Variants in NTM observed in about 807,000 individuals in gnomAD.
NTM encodes neurotrimin, also known as IgLON family member 2.
NTM carries 13 observed loss-of-function variants against 42.1 expected under a neutral mutation model. That is an observed-to-expected ratio of 0.31 (90% CI 0.20 to 0.49). NTM has a LOEUF of 0.49. Ranked by LOEUF, NTM falls within the 20% of genes least tolerant of loss-of-function variation. The pLI is 0.99. For synonymous variants in NTM, 187 were observed against 179.2 expected (o/e 1.04, Z -0.35); for missense variants, 373 against 452.8 (o/e 0.82, Z 1.60).
chr11:131,618,514 C>T (rs1280090282), intron 1 of NTM, among the ~76,000 whole-genome samples: 1 of 152,132 alleles, frequency 6.6e-6, no homozygotes, highest in Non-Finnish European at 1.5e-5. Flanking sequence ...TTCAGTATTG[C>T]TTGGGGCTCC....
At chr11:131,637,952 G>A (rs1347393441) in intron 1 of NTM, among the ~76,000 whole-genome samples, 3 of 152,126 alleles carry the variant, frequency 2.0e-5, no homozygotes, top group Non-Finnish European at 2.9e-5. Context: ...TCTGTGGACT[G>A]ATGACTAACA....
chr11:132,215,966 A>G (rs1214499822), intron 4 of NTM, among the ~76,000 whole-genome samples: 1 of 152,238 alleles, frequency 6.6e-6, no homozygotes, highest in East Asian at 1.9e-4. Context: ...GTGCACAGGC[A>G]CCGTTGGTGG....
intron 1 of NTM, among the ~76,000 whole-genome samples, chr11:131,391,721 A>G (rs890642212): frequency 2.0e-5 from 3 of 151,836 alleles, no homozygotes; most frequent in Non-Finnish European, 2.9e-5. Context: ...GGAGACAGAA[A>G]CAGGCTCCCA....
At chr11:132,110,603 G>A (rs896392036) in intron 2 of NTM, among the ~76,000 whole-genome samples, 1 of 152,120 alleles carries the variant, frequency 6.6e-6, no homozygotes, top group Non-Finnish European at 1.5e-5. Context: ...TTAGAGACAA[G>A]GATTTTTATT....
intron 1 of NTM, among the ~76,000 whole-genome samples, chr11:131,767,471 C>A (rs369548773): frequency 6.6e-6 from 1 of 152,160 alleles, no homozygotes; most frequent in East Asian, 1.9e-4. Context: ...AAACCCTAAC[C>A]CAACCCCCAG....
At chr11:132,124,589 G>T (rs1294985254) in intron 2 of NTM, among the ~76,000 whole-genome samples, 2 of 152,252 alleles carry the variant, frequency 1.3e-5, no homozygotes, top group African/African-American at 4.8e-5. Context: ...TGTGGAAATT[G>T]TTCTGAATAT....
chr11:131,395,909 G>T (rs1166864848), intron 1 of NTM, among the ~76,000 whole-genome samples: 1 of 152,160 alleles, frequency 6.6e-6, no homozygotes, highest in African/African-American at 2.4e-5. Flanking sequence ...GGCAAATAAA[G>T]ATATTTGAAT....
intron 4 of NTM, among the ~76,000 whole-genome samples, chr11:132,287,082 C>T (rs901549203): frequency 1.3e-5 from 2 of 152,202 alleles, no homozygotes; most frequent in African/African-American, 2.4e-5. Flanking sequence ...TGAGACCCCT[C>T]AGGCTGTCGA....
chr11:131,758,881 C>T lies in NTM; in HGVS notation c.83-152683C>T, dbSNP rs537577780. 3.7e-3 allele frequency among the ~76,000 whole-genome samples: 560 copies of T among 152,178 alleles called. 6 individuals carry two copies. The highest frequency in any genetic ancestry group is 0.013 in the African/African-American group (527 of 41,536). ...TGCGAGGATTACAGGCATGACCCAC[C>T]GTGTCCAGCCGTCTGCATATTTTCT... On this transcript the variant is annotated intron_variant, in intron 1 of 8. Coordinates refer to ENST00000683400, the MANE Select transcript of NTM (RefSeq NM_001352005.2).
intron 2 of NTM, among the ~76,000 whole-genome samples, chr11:132,086,647 T>G (rs2059752206): frequency 6.6e-6 from 1 of 152,242 alleles, no homozygotes; most frequent in East Asian, 1.9e-4. Flanking sequence ...TAGCTACAGC[T>G]TAAGCCCAGT....
At chr11:131,890,598 GT>G (rs201971384) in intron 1 of NTM, among the ~76,000 whole-genome samples, 1 of 152,072 alleles carries the variant, frequency 6.6e-6, no homozygotes, top group Non-Finnish European at 1.5e-5. Flanking sequence ...GATTTTCTGG[GT>G]TTTTTTTCTA....
rs112616208 is a variant in NTM, at chr11:132,065,370, A to T, written c.168-80912A>T. ...CCTCAAACATCATCTCAGGGCAAAA[A>T]GGCACAGCGTGTAGAATATGCTTCT... On this transcript the variant is annotated intron_variant, in intron 2 of 8. Transcript: ENST00000683400. 1.9e-3 allele frequency among the ~76,000 whole-genome samples: 283 copies of T among 152,286 alleles called. 2 individuals carry two copies. Among genetic ancestry groups the T allele is most frequent in the African/African-American group, 6.3e-3 (262 of 41,566 alleles).
chr11:131,777,043 T>C, intron 1 of NTM: 1 of 851,832 alleles, frequency 1.2e-6, no homozygotes, highest in African/African-American at 1.8e-5. Context: ...GAATTTTGGG[T>C]GGCAGAAAGT....
At chr11:132,279,093 C>A (rs1318943598) in intron 4 of NTM, among the ~76,000 whole-genome samples, 1 of 152,192 alleles carries the variant, frequency 6.6e-6, no homozygotes, top group Non-Finnish European at 1.5e-5. Context: ...CTGCTTATCA[C>A]AGAGAATACC....
Position 131,392,606 on chromosome 11 carries a change from G to A in NTM, c.82+21718G>A, listed in dbSNP as rs1009178727. Among the ~76,000 whole-genome samples, 10 of 152,324 alleles carry A rather than the reference G, an allele frequency of 6.6e-5. No homozygotes were observed. The East Asian group carries it at 7.7e-4, about 12-fold the overall frequency. On this transcript the variant is annotated intron_variant, in intron 1 of 8. Coordinates refer to ENST00000683400, the MANE Select transcript of NTM (RefSeq NM_001352005.2). ...TGTTTTATAAGCTTCGCCTCCTGGA[G>A]CAGGTTGAAGAGAGGGCAGGAGGAG...
intron 1 of NTM, among the ~76,000 whole-genome samples, chr11:131,818,605 G>A (rs924541215): frequency 6.6e-6 from 1 of 152,058 alleles, no homozygotes; most frequent in African/African-American, 2.4e-5. Flanking sequence ...CCAAAAACAG[G>A]CCACACTGAT....
chr11:132,171,937 A>G lies in NTM; in HGVS notation c.400+25423A>G, dbSNP rs566354072. On this transcript the variant is annotated intron_variant, in intron 3 of 8. Coordinates refer to ENST00000683400, the MANE Select transcript of NTM (RefSeq NM_001352005.2). ...CAAATCTCCTATGGTGGTCTCTTCAATCTCTTACTTGGGGTTTCTCTAATC... is the reference window on the plus strand; with the variant it reads ...CAAATCTCCTATGGTGGTCTCTTCAGTCTCTTACTTGGGGTTTCTCTAATC... Among the ~76,000 whole-genome samples the G allele has an allele frequency of 1.3e-4, 20 of 152,224 alleles. No individual in the cohort carries two copies. The South Asian group carries it at 3.1e-3, about 24-fold the overall frequency.
chr11:132,030,239 C>G (rs962247751), intron 2 of NTM, among the ~76,000 whole-genome samples: 3 of 152,088 alleles, frequency 2.0e-5, no homozygotes, highest in Non-Finnish European at 2.9e-5. Context: ...CCCTACCCCA[C>G]CTACTCCACC....
intron 4 of NTM, among the ~76,000 whole-genome samples, chr11:132,288,858 T>C (rs867873844): frequency 6.6e-6 from 1 of 152,160 alleles, no homozygotes. Context: ...TGGCCTCAGG[T>C]GATCCACCCG....
Sources: allele counts gnomAD v4.1 joint callset (sites outside exome capture counted in the v4.1 genomes callset), GRCh38; gene constraint gnomAD v4.1.1; transcripts MANE v1.5; gene names NCBI Gene and HGNC (gene_info 2026-07-23, HGNC 2026-07-21).